C4orf54: variants seen among roughly 807,000 people sequenced by gnomAD.
C4orf54 encodes the protein uncharacterized protein C4orf54.
C4orf54 carries 67 observed loss-of-function variants against 80.1 expected under a neutral mutation model. That is an observed-to-expected ratio of 0.84 (90% CI 0.69 to 1.03). C4orf54 has a LOEUF of 1.03. Among genes scored for constraint, C4orf54 ranks in the 50% least tolerant of loss-of-function variants. The probability of loss-of-function intolerance (pLI) is 0.00; values close to 1 mark genes in which losing one functional copy is unlikely to be tolerated. For synonymous variants in C4orf54, 1,000 were observed against 917.0 expected (o/e 1.09, Z -1.64); for missense variants, 2,434 against 2,253.5 (o/e 1.08, Z -1.62).
chr4:99,642,089 T>C (rs1726616284), intron 2 of C4orf54, among the ~76,000 whole-genome samples: 1 of 152,210 alleles, frequency 6.6e-6, no homozygotes, highest in South Asian at 2.1e-4. Flanking sequence ...TTTAAGCTTA[T>C]ATGTATACAC....
In C4orf54 at chr4:99,649,508, G is replaced by T; in HGVS notation, c.5141C>A (p.Ser1714Tyr). The T allele has an allele frequency of 6.5e-7, 1 of 1,536,188 alleles. No individual in the cohort carries two copies. Among genetic ancestry groups the T allele is most frequent in the African/African-American group, 1.4e-5 (1 of 73,166 alleles). The change falls in exon 2 of 3, where the codon TCC becomes TAC. Residue 1714 changes from serine (S) to tyrosine (Y), a missense_variant. By Grantham distance (144) the Ser-to-Tyr change is moderately radical (BLOSUM62 -2). Coordinates refer to ENST00000511828, the MANE Select transcript of C4orf54 (RefSeq NM_001354435.2). ...SELSPMVAEP[S>Y]SKEAAATFTE... ...GAACGTTGCAGCTGCCTCTTTGCTGGAAGGTTCTGCCACCATTGGGGAGAG... is the reference window on the plus strand; with the variant it reads ...GAACGTTGCAGCTGCCTCTTTGCTGTAAGGTTCTGCCACCATTGGGGAGAG...
chr4:99,649,646 C>T lies in C4orf54; in HGVS notation c.5003G>A (p.Ser1668Asn), dbSNP rs1726764473. The change falls in exon 2 of 3, where the codon AGT (serine) becomes AAT (asparagine). Residue 1668 changes from serine (S) to asparagine (N), a missense_variant. Transcript: ENST00000511828. Reference sequence around the variant, plus strand: ...GTAGGTGGGTCCATAAGCCCCAGGACTCAGGGCCAAGGGAGGCACAGAGAT... The same window carrying T: ...GTAGGTGGGTCCATAAGCCCCAGGATTCAGGGCCAAGGGAGGCACAGAGAT... Reference protein sequence around the residue: ...MSISVPPLALSPGAYGPTYMI... With the variant: ...MSISVPPLALNPGAYGPTYMI... 6.5e-7 allele frequency: 1 copy of T among 1,536,152 alleles called. No homozygotes were observed. The highest frequency in any genetic ancestry group is 8.7e-7 in the Non-Finnish European group (1 of 1,146,896).
intron 2 of C4orf54, among the ~76,000 whole-genome samples, chr4:99,644,701 G>A (rs1183399307): frequency 4.0e-5 from 6 of 151,586 alleles, no homozygotes; most frequent in Non-Finnish European, 7.4e-5. Context: ...GGAGCTGGAG[G>A]ACTCACCCAG....
chr4:99,654,219 T>A lies in C4orf54; in HGVS notation c.430A>T (p.Ile144Leu). Residue 144 changes from isoleucine (I) to leucine (L), a missense_variant, in exon 2 of 3, where the codon ATA becomes TTA. Coordinates refer to ENST00000511828, the MANE Select transcript of C4orf54 (RefSeq NM_001354435.2). ...FLSLKPGQGLIMEAAPPELNS... is the reference protein window; with the variant it reads ...FLSLKPGQGLLMEAAPPELNS... ...AGCTCAGGAGGGGCAGCTTCCATTA[T>A]GAGCCCTTGCCCAGGTTTCAGCGAC... is the stretch of plus-strand genomic sequence containing the variant. 1 of 1,536,186 alleles carries A rather than the reference T, an allele frequency of 6.5e-7. No individual in the cohort carries two copies. The highest frequency in any genetic ancestry group is 8.7e-7 in the Non-Finnish European group (1 of 1,146,910).
At position 99,653,113 on chromosome 4, in the gene C4orf54, A is replaced by G. The variant is rs1486513846; in HGVS notation, c.1536T>C (p.Cys512=). ...SGAAAAAASS[C]GSAASQILLS... is the part of the protein sequence containing the mutation. ...GGAGGATCTGGCTTGCTGCACTCCC[A>G]CAGCTGCTTGCGGCGGCGGCTGCTG... Residue 512 remains cysteine, a synonymous_variant, in exon 2 of 3, where the codon TGT becomes TGC. Transcript: ENST00000511828. 4 of 1,536,094 alleles carry G rather than the reference A, an allele frequency of 2.6e-6. No individual in the cohort carries two copies. Among genetic ancestry groups the G allele is most frequent in the African/African-American group, 2.7e-5 (2 of 73,038 alleles).
Position 99,654,425 on chromosome 4 carries a change from C to G in C4orf54, c.224G>C (p.Arg75Thr). ...ASSRSLPTSL[R>T]LAAAPPQGLK... ...CCCCTGTGGCGGGGCCGCAGCAAGCCTGAGGGAGGTGGGAAGGCTCCTGGA... is the reference window on the plus strand; with the variant it reads ...CCCCTGTGGCGGGGCCGCAGCAAGCGTGAGGGAGGTGGGAAGGCTCCTGGA... Residue 75 changes from arginine (R) to threonine (T), a missense_variant, in exon 2 of 3, where the codon AGG (arginine) becomes ACG (threonine). Physicochemically the swap from Arg to Thr is moderately conservative, Grantham distance 71. Coordinates refer to ENST00000511828, the MANE Select transcript of C4orf54 (RefSeq NM_001354435.2). The G allele has an allele frequency of 1.3e-6, 1 of 773,136 alleles. No homozygotes were observed. 47.9% of individuals were successfully genotyped at this position (773,136 alleles called of 1,614,324 possible).
At chr4:99,657,156 A>G (rs537892206) in intron 1 of C4orf54, among the ~76,000 whole-genome samples, 1 of 152,360 alleles carries the variant, frequency 6.6e-6, no homozygotes, top group South Asian at 2.1e-4. Context: ...ATAAACCATG[A>G]ACACAGCTGT....
At position 99,649,551 on chromosome 4, in the gene C4orf54, C is replaced by T. The variant is rs187824282; in HGVS notation, c.5098G>A (p.Ala1700Thr). 33 of 1,536,080 alleles carry T rather than the reference C, an allele frequency of 2.1e-5. No individual in the cohort carries two copies. The East Asian group carries it at 6.1e-4, about 28-fold the overall frequency. ...GGGGAGAGCTCACTTCCTCTTGGAG[C>T]GCGAGCAATTGGTGTGGGCTGCAGA... ...NALQPTPIAR[A>T]PRGSELSPMV... Residue 1700 changes from alanine to threonine, a missense_variant, in exon 2 of 3, where the codon GCT becomes ACT. By Grantham distance (58) the Ala-to-Thr change is moderately conservative. Transcript: ENST00000511828.
chr4:99,654,105 G>T lies in C4orf54; in HGVS notation c.544C>A (p.Pro182Thr), dbSNP rs544780947. The T allele has an allele frequency of 3.1e-5, 47 of 1,536,150 alleles. No homozygotes were observed. The South Asian group carries it at 5.4e-4, about 17-fold the overall frequency. Residue 182 changes from proline (P) to threonine (T), a missense_variant, in exon 2 of 3, where the codon CCC becomes ACC. Transcript: ENST00000511828. ...CGCTGGGAGGAGGCTGAAGGCTTGG[G>T]AAGTGGCCACAGCTGCTGCTTGAGC... ...QELKQQLWPL[P>T]KPSASSQREA...
Position 99,652,998 on chromosome 4 carries a change from C to G in C4orf54, c.1651G>C (p.Asp551His). The G allele has an allele frequency of 1.3e-6, 2 of 1,536,180 alleles. No individual in the cohort carries two copies. The highest frequency in any genetic ancestry group is 2.0e-5 in the Admixed American group (1 of 51,010). The change falls in exon 2 of 3, where the codon GAC becomes CAC. Residue 551 changes from aspartate (D) to histidine (H), a missense_variant. By Grantham distance (81) the Asp-to-His change is moderately conservative. Coordinates refer to ENST00000511828, the MANE Select transcript of C4orf54 (RefSeq NM_001354435.2). Reference protein sequence around the residue: ...NIIYAAKHEGDMSLRVSTAAE... With the variant: ...NIIYAAKHEGHMSLRVSTAAE... ...GCTGTAGAGACGCGGAGGCTCATGTCGCCTTCATGCTTGGCAGCATAAATA... is the reference window on the plus strand; with the variant it reads ...GCTGTAGAGACGCGGAGGCTCATGTGGCCTTCATGCTTGGCAGCATAAATA...
intron 2 of C4orf54, among the ~76,000 whole-genome samples, chr4:99,648,569 G>T (rs1473795483): frequency 2.0e-5 from 3 of 151,886 alleles, no homozygotes; most frequent in Non-Finnish European, 4.4e-5. Flanking sequence ...GTGTGTGTGT[G>T]TGTGTGTGTG....
rs185124568 is a variant in C4orf54, at chr4:99,647,522, T to C, written c.*36+1709A>G. On this transcript the variant is annotated intron_variant, in intron 2 of 2. Coordinates refer to ENST00000511828, the MANE Select transcript of C4orf54 (RefSeq NM_001354435.2). ...GATGACTTATTTGTCTTTAATTTTC[T>C]CCCTCCCCTCTTCATCTGTTATCAT... 3.6e-3 allele frequency among the ~76,000 whole-genome samples: 546 copies of C among 152,304 alleles called. 3 individuals are homozygous for C. The highest frequency in any genetic ancestry group is 5.7e-3 in the Non-Finnish European group (389 of 68,024).
In C4orf54 at chr4:99,652,328, C is replaced by A. The variant is rs1181353016; in HGVS notation, c.2321G>T (p.Gly774Val). 2 of 1,535,756 alleles carry A rather than the reference C, an allele frequency of 1.3e-6. No homozygotes were observed. Among genetic ancestry groups the A allele is most frequent in the African/African-American group, 1.4e-5 (1 of 73,020 alleles). Residue 774 changes from glycine (G) to valine (V), a missense_variant, in exon 2 of 3, where the codon GGC (glycine) becomes GTC (valine). Coordinates refer to ENST00000511828, the MANE Select transcript of C4orf54 (RefSeq NM_001354435.2). ...SAPGPGRATK[G>V]PGKGPGSAYT... ...TGCCGACCCGGGACCCTTGCCGGGGCCTTTGGTGGCCCTGCCGGGCCCAGG... is the reference window on the plus strand; with the variant it reads ...TGCCGACCCGGGACCCTTGCCGGGGACTTTGGTGGCCCTGCCGGGCCCAGG...
Position 99,654,409 on chromosome 4 carries a change from C to T in C4orf54, c.240G>A (p.Pro80=), listed in dbSNP as rs914817130. The T allele has an allele frequency of 1.1e-5, 9 of 839,350 alleles. No individual in the cohort carries two copies. The highest frequency in any genetic ancestry group is 1.7e-5 in the African/African-American group (1 of 59,502). The allele number at this position is 839,350 out of a possible 1,614,324, so 52.0% of individuals were successfully genotyped here. ...CCTCCCAGTTCTTCAGCCCCTGTGG[C>T]GGGGCCGCAGCAAGCCTGAGGGAGG... ...LPTSLRLAAA[P]PQGLKNWEVV... Residue 80 remains proline (P), a synonymous_variant, in exon 2 of 3, where the codon CCG becomes CCA. Transcript: ENST00000511828.
chr4:99,650,139 A>C lies in C4orf54; in HGVS notation c.4510T>G (p.Cys1504Gly). The change falls in exon 2 of 3, where the codon TGT (cysteine) becomes GGT (glycine). Residue 1504 changes from cysteine to glycine, a missense_variant. Physicochemically the swap from Cys to Gly is radical, Grantham distance 159. Transcript: ENST00000511828. ...GPPNSSAATL[C>G]SLPPLSARSQ... Reference sequence around the variant, plus strand: ...CGGGCACTCAGCGGGGGTAAACTACAGAGAGTGGCAGCTGAGGAGTTGGGG... The same window carrying C: ...CGGGCACTCAGCGGGGGTAAACTACCGAGAGTGGCAGCTGAGGAGTTGGGG... 6.5e-7 allele frequency: 1 copy of C among 1,535,986 alleles called. No homozygotes were observed.
At position 99,639,027 on chromosome 4, in the gene C4orf54, C is replaced by G. The variant is rs1726559408; in HGVS notation, c.*2206G>C. 1 of 152,222 alleles carries G rather than the reference C, an allele frequency of 6.6e-6. No individual in the cohort carries two copies. The highest frequency in any genetic ancestry group is 2.4e-5 in the African/African-American group (1 of 41,564). 9.4% of individuals were successfully genotyped at this position (152,222 alleles called of 1,614,324 possible). Reference sequence around the variant, plus strand: ...CAGTGTGAGAATTTAAAACTCAAATCTGCTGGTGAGAAACACTGATACATA... The same window carrying G: ...CAGTGTGAGAATTTAAAACTCAAATGTGCTGGTGAGAAACACTGATACATA... On this transcript the variant is annotated 3_prime_UTR_variant, in exon 3 of 3. Transcript: ENST00000511828.
At chr4:99,647,427 T>G (rs1169654216) in intron 2 of C4orf54, among the ~76,000 whole-genome samples, 2 of 152,236 alleles carry the variant, frequency 1.3e-5, no homozygotes, top group Non-Finnish European at 2.9e-5. Context: ...TCTGCGAAAC[T>G]AATTCTCTAA....
Position 99,652,052 on chromosome 4 carries a change from C to G in C4orf54, c.2597G>C (p.Ser866Thr). The change falls in exon 2 of 3, where the codon AGC (serine) becomes ACC (threonine). Residue 866 changes from serine to threonine, a missense_variant. By Grantham distance (58) the Ser-to-Thr change is moderately conservative. Coordinates refer to ENST00000511828, the MANE Select transcript of C4orf54 (RefSeq NM_001354435.2). ...GGAGCCGGCCTCGGAGTGACGAGAGCTCTGCCTCTGCAGGCCCCTCTCTCG... is the reference window on the plus strand; with the variant it reads ...GGAGCCGGCCTCGGAGTGACGAGAGGTCTGCCTCTGCAGGCCCCTCTCTCG... ...RQRERGLQRQ[S>T]SRHSEAGSEY... is the part of the protein sequence containing the mutation. The G allele has an allele frequency of 6.5e-7, 1 of 1,536,140 alleles. No homozygotes were observed. Among genetic ancestry groups the G allele is most frequent in the South Asian group, 1.2e-5 (1 of 84,064 alleles).
chr4:99,655,016 CAA>C (rs1181693154), intron 1 of C4orf54, among the ~76,000 whole-genome samples: 1 of 152,252 alleles, frequency 6.6e-6, no homozygotes, highest in African/African-American at 2.4e-5. Context: ...GGAAATATTT[CAA>C]AGTCTCCCTG....
Sources: gnomAD v4.1 joint callset for allele counts (sites outside exome capture counted in the v4.1 genomes callset) on GRCh38, gnomAD v4.1.1 for gene constraint, MANE v1.5 for transcripts, NCBI Gene and HGNC (gene_info 2026-07-23, HGNC 2026-07-21) for gene names.